Variants in SLC44A5 observed in about 807,000 individuals in gnomAD.
The protein encoded by SLC44A5 is choline transporter-like protein 5.
Under a neutral mutation model 101.8 loss-of-function variants are expected in SLC44A5, and 57 were observed. The observed-to-expected ratio is 0.56, with a 90% confidence interval of 0.45 to 0.70. The LOEUF is 0.70. Among genes scored for constraint, SLC44A5 ranks in the 30% least tolerant of loss-of-function variants. The pLI is 0.00. For synonymous variants in SLC44A5, 281 were observed against 290.9 expected (o/e 0.97, Z 0.35); for missense variants, 737 against 853.1 (o/e 0.86, Z 1.70).
chr1:75,422,379 G>C (rs1457541812), intron 2 of SLC44A5, among the ~76,000 whole-genome samples: 2 of 152,224 alleles, frequency 1.3e-5, no homozygotes, highest in Non-Finnish European at 2.9e-5. Context: ...GCATAGCACA[G>C]TGTTTTGGAC....
intron 4 of SLC44A5, among the ~76,000 whole-genome samples, chr1:75,330,625 C>T (rs1247466509): frequency 6.6e-6 from 1 of 152,002 alleles, no homozygotes; most frequent in African/African-American, 2.4e-5. Context: ...CACCACACAC[C>T]ACCATGTTCT....
At chr1:75,592,133 A>G (rs1042303171) in intron 1 of SLC44A5, among the ~76,000 whole-genome samples, 4 of 152,176 alleles carry the variant, frequency 2.6e-5, no homozygotes, top group East Asian at 3.8e-4. Context: ...GGATAAACCT[A>G]AAGACTCTAT....
At chr1:75,561,431 G>C (rs924807142) in intron 1 of SLC44A5, among the ~76,000 whole-genome samples, 1 of 151,892 alleles carries the variant, frequency 6.6e-6, no homozygotes, top group African/African-American at 2.4e-5. Flanking sequence ...ATTATTGTCT[G>C]TCTCTTCCCA....
At chr1:75,570,896 C>T (rs1201580963) in intron 1 of SLC44A5, among the ~76,000 whole-genome samples, 1 of 152,140 alleles carries the variant, frequency 6.6e-6, no homozygotes, top group African/African-American at 2.4e-5. Flanking sequence ...GATTCTCAGG[C>T]TTAATGATCA....
intron 6 of SLC44A5, among the ~76,000 whole-genome samples, chr1:75,266,318 TACACAC>T (rs61250669): frequency 0.11 from 15,778 of 146,892 alleles, 1,038 homozygotes; most frequent in Middle Eastern, 0.19. Flanking sequence ...GGCATAGAAA[TACACAC>T]ACACACACAC....
chr1:75,517,589 C>T (rs1460868471), intron 2 of SLC44A5, among the ~76,000 whole-genome samples: 1 of 152,098 alleles, frequency 6.6e-6, no homozygotes, highest in Non-Finnish European at 1.5e-5. Flanking sequence ...GTTTGGATGT[C>T]TTTGACCCCG....
intron 1 of SLC44A5, among the ~76,000 whole-genome samples, chr1:75,551,124 G>C (rs1671913738): frequency 6.6e-6 from 1 of 152,026 alleles, no homozygotes; most frequent in South Asian, 2.1e-4. Context: ...TATTCCGTAT[G>C]CTGATTCTCT....
At chr1:75,311,657 G>T (rs1655310512) in intron 4 of SLC44A5, 1 of 670,992 alleles carries the variant, frequency 1.5e-6, no homozygotes, top group African/African-American at 2.0e-5. Flanking sequence ...TGAAACGTTG[G>T]TGAACCACAC....
chr1:75,708,200 TC>T, the SLC44A5 span, among the ~76,000 whole-genome samples: 1 of 150,104 alleles, frequency 6.7e-6, no homozygotes, highest in African/African-American at 2.5e-5. Flanking sequence ...ATACCTGAGG[TC>T]AGGAGTTTGA....
intron 3 of SLC44A5, among the ~76,000 whole-genome samples, chr1:75,373,907 T>C (rs1016427429): frequency 3.3e-5 from 5 of 152,140 alleles, no homozygotes; most frequent in Non-Finnish European, 7.4e-5. Flanking sequence ...CTGAGATCTG[T>C]GGCCTGAGCT....
At chr1:75,561,955 G>A (rs187767355) in intron 1 of SLC44A5, among the ~76,000 whole-genome samples, 1,786 of 152,104 alleles carry the variant, frequency 0.012, 13 homozygotes, top group Middle Eastern at 0.024. Context: ...ACAATTTTGG[G>A]AGGGAGGGAG....
At chr1:75,371,536 A>T (rs1413496818) in intron 3 of SLC44A5, among the ~76,000 whole-genome samples, 2 of 152,344 alleles carry the variant, frequency 1.3e-5, no homozygotes, top group African/African-American at 4.8e-5. Context: ...CTGATTATCA[A>T]GAAAATTAAG....
intron 4 of SLC44A5, among the ~76,000 whole-genome samples, chr1:75,334,642 G>A (rs535159847): frequency 1.3e-5 from 2 of 152,234 alleles, no homozygotes; most frequent in African/African-American, 4.8e-5. Context: ...AAGGGCAAAG[G>A]AGCTCATGAG....
chr1:75,669,476 T>A, the SLC44A5 span, among the ~76,000 whole-genome samples: 1 of 152,206 alleles, frequency 6.6e-6, no homozygotes, highest in Non-Finnish European at 1.5e-5. Flanking sequence ...TCTCACCCAG[T>A]GGAGGACACA....
At chr1:75,257,414 T>C (rs1293406432) in intron 6 of SLC44A5, among the ~76,000 whole-genome samples, 1 of 152,108 alleles carries the variant, frequency 6.6e-6, no homozygotes, top group African/African-American at 2.4e-5. Context: ...ACACTTTGAA[T>C]AGATCACCTA....
At chr1:75,512,092 G>A (rs140699423) in intron 2 of SLC44A5, among the ~76,000 whole-genome samples, 285 of 152,242 alleles carry the variant, frequency 1.9e-3, no homozygotes, top group African/African-American at 6.2e-3. Flanking sequence ...ATGTGCTCAT[G>A]TAAATAAGCA....
chr1:75,322,988 T>C (rs1474604886), intron 4 of SLC44A5, among the ~76,000 whole-genome samples: 1 of 151,964 alleles, frequency 6.6e-6, no homozygotes, highest in African/African-American at 2.4e-5. Flanking sequence ...ATGTGCACAT[T>C]GTGCAGGTTA....
At chr1:75,535,096 A>T (rs1336936846) in intron 2 of SLC44A5, among the ~76,000 whole-genome samples, 1 of 150,738 alleles carries the variant, frequency 6.6e-6, no homozygotes, top group Middle Eastern at 3.2e-3. Flanking sequence ...TTTTAAAGAA[A>T]AATCATCATC....
chr1:75,285,412 A>G (rs1184038720), intron 5 of SLC44A5, among the ~76,000 whole-genome samples: 3 of 151,902 alleles, frequency 2.0e-5, no homozygotes, highest in Non-Finnish European at 4.4e-5. Flanking sequence ...AATTTTGTTT[A>G]TCTTTTCAAA....
Sources: gnomAD v4.1 joint callset for allele counts (sites outside exome capture counted in the v4.1 genomes callset) on GRCh38, gnomAD v4.1.1 for gene constraint, MANE v1.5 for transcripts, NCBI Gene and HGNC (gene_info 2026-07-23, HGNC 2026-07-21) for gene names.